ZCCHC24: variants seen among roughly 807,000 people sequenced by gnomAD.
The protein encoded by ZCCHC24 is zinc finger CCHC-type containing 24.
In ZCCHC24, 10 loss-of-function variants were observed where a neutral mutation model predicts 26.2. The ratio of observed to expected loss-of-function variants is 0.38; its 90% CI spans 0.24 to 0.65. ZCCHC24 has a LOEUF of 0.65. Ranked by LOEUF, ZCCHC24 falls within the 30% of genes least tolerant of loss-of-function variation. The probability of loss-of-function intolerance (pLI) is 0.54; values close to 1 mark genes in which losing one functional copy is unlikely to be tolerated. For synonymous variants in ZCCHC24, 144 were observed against 147.1 expected (o/e 0.98, Z 0.15); for missense variants, 243 against 329.1 (o/e 0.74, Z 2.03).
intron 2 of ZCCHC24, among the ~76,000 whole-genome samples, chr10:79,415,263 A>C (rs1470024390): frequency 6.6e-6 from 1 of 152,202 alleles, no homozygotes; most frequent in East Asian, 1.9e-4. Context: ...GAGGGGCCCC[A>C]GGCACAGGGA....
intron 2 of ZCCHC24, among the ~76,000 whole-genome samples, chr10:79,412,414 T>C (rs1365304139): frequency 6.6e-6 from 1 of 152,232 alleles, no homozygotes; most frequent in Admixed American, 6.5e-5. Flanking sequence ...CCCTCGCCCC[T>C]TGGCAGCCCC....
chr10:79,408,929 G>A (rs1404067500), intron 2 of ZCCHC24: 1 of 152,168 alleles, frequency 6.6e-6, no homozygotes, highest in Non-Finnish European at 1.5e-5. Flanking sequence ...GTAAAATCAG[G>A]AAAGGCAAAT....
At chr10:79,397,008 A>G (rs984984912) in intron 2 of ZCCHC24, among the ~76,000 whole-genome samples, 1 of 152,264 alleles carries the variant, frequency 6.6e-6, no homozygotes, top group Non-Finnish European at 1.5e-5. Flanking sequence ...GTAGAACAAA[A>G]AGTGGTATAT....
intron 2 of ZCCHC24, among the ~76,000 whole-genome samples, chr10:79,413,861 A>G (rs1856827021): frequency 6.6e-6 from 1 of 152,226 alleles, no homozygotes; most frequent in East Asian, 1.9e-4. Flanking sequence ...TCTGACACAG[A>G]GAATTCACAG....
chr10:79,409,212 A>G (rs1297839075), intron 2 of ZCCHC24: 1 of 152,200 alleles, frequency 6.6e-6, no homozygotes, highest in Non-Finnish European at 1.5e-5. Context: ...GCTTCTGCAC[A>G]CCTCTGGGCA....
chr10:79,417,021 G>C, intron 2 of ZCCHC24, among the ~76,000 whole-genome samples: 1 of 152,234 alleles, frequency 6.6e-6, no homozygotes, highest in East Asian at 1.9e-4. Context: ...CAACGCAATG[G>C]CTCACACTTG....
In ZCCHC24 at chr10:79,424,462, T is replaced by C. The variant is rs549812645; in HGVS notation, c.447+8096A>G. On this transcript the variant is annotated intron_variant, in intron 2 of 3. Coordinates refer to ENST00000372336, the MANE Select transcript of ZCCHC24 (RefSeq NM_153367.4). The stretch of plus-strand genomic sequence containing the variant: ...CTGCCTGCTCCCTCTTCCCTCTCAC[T>C]GGGCACCACGGCCCATAGATGGTAC... Among the ~76,000 whole-genome samples the C allele has an allele frequency of 6.3e-4, 96 of 152,360 alleles. 1 individual carries two copies. The highest frequency in any genetic ancestry group is 2.0e-3 in the African/African-American group (84 of 41,582).
chr10:79,398,137 C>G (rs1460150954), intron 2 of ZCCHC24, among the ~76,000 whole-genome samples: 1 of 152,336 alleles, frequency 6.6e-6, no homozygotes, highest in Admixed American at 6.5e-5. Flanking sequence ...GCGCACCATT[C>G]CCACGGCTGC....
At chr10:79,395,870 T>C (rs1856539988) in intron 2 of ZCCHC24, among the ~76,000 whole-genome samples, 1 of 152,240 alleles carries the variant, frequency 6.6e-6, no homozygotes, top group Admixed American at 6.5e-5. Context: ...AGTTTACCCA[T>C]TTAAAGTGGA....
At chr10:79,402,667 G>A (rs1282160270) in intron 2 of ZCCHC24, among the ~76,000 whole-genome samples, 1 of 152,136 alleles carries the variant, frequency 6.6e-6, no homozygotes, top group African/African-American at 2.4e-5. Flanking sequence ...TGTGCCACAC[G>A]CTTTCTGACC....
rs148980765 is a variant in ZCCHC24, at chr10:79,387,148, G to A, written c.613-690C>T. Among the ~76,000 whole-genome samples, 109 of 152,296 alleles carry A rather than the reference G, an allele frequency of 7.2e-4. 1 individual carries two copies. Among genetic ancestry groups the A allele is most frequent in the Non-Finnish European group, 3.5e-4 (24 of 68,032 alleles). ...GCCCAGTGCCCTATTTGTTGAGGCT[G>A]CATGAATGAAACCTCAGTTTTCCAA... On this transcript the variant is annotated intron_variant, in intron 3 of 3. Transcript: ENST00000372336.
chr10:79,409,585 T>A (rs985197739), intron 2 of ZCCHC24, among the ~76,000 whole-genome samples: 2 of 152,070 alleles, frequency 1.3e-5, no homozygotes, highest in African/African-American at 4.8e-5. Flanking sequence ...TGGACATGAC[T>A]ATCAGCCTGA....
chr10:79,436,090 A>C (rs922093421), intron 1 of ZCCHC24, among the ~76,000 whole-genome samples: 5 of 152,190 alleles, frequency 3.3e-5, no homozygotes, highest in African/African-American at 1.2e-4. Context: ...TGGCATGCAG[A>C]GGCCGACACA....
chr10:79,434,487 A>G (rs142874284), intron 1 of ZCCHC24, among the ~76,000 whole-genome samples: 1 of 152,298 alleles, frequency 6.6e-6, no homozygotes, highest in East Asian at 1.9e-4. Flanking sequence ...TCACAGGATA[A>G]CAGTGACACA....
At chr10:79,434,380 C>T (rs1423675211) in intron 1 of ZCCHC24, among the ~76,000 whole-genome samples, 1 of 152,192 alleles carries the variant, frequency 6.6e-6, no homozygotes, top group African/African-American at 2.4e-5. Context: ...TGGAGCAGTC[C>T]ACCTTGAGAA....
intron 1 of ZCCHC24, among the ~76,000 whole-genome samples, chr10:79,435,721 AC>A (rs1857207265): frequency 6.6e-6 from 1 of 152,244 alleles, no homozygotes; most frequent in Non-Finnish European, 1.5e-5. Flanking sequence ...AGGGACGCAG[AC>A]CAGGGTACCC....
intron 2 of ZCCHC24, among the ~76,000 whole-genome samples, chr10:79,419,997 A>G (rs1377078346): frequency 6.6e-6 from 1 of 152,104 alleles, no homozygotes; most frequent in Admixed American, 6.5e-5. Context: ...CCTGCCAGGC[A>G]AGAGGCAGCA....
At chr10:79,430,121 G>A (rs1009103697) in intron 2 of ZCCHC24, among the ~76,000 whole-genome samples, 37 of 152,184 alleles carry the variant, frequency 2.4e-4, no homozygotes, top group African/African-American at 7.7e-4. Flanking sequence ...AGCACTTCCT[G>A]TGTCCAGGCA....
At chr10:79,390,529 T>C (rs1168614970) in intron 3 of ZCCHC24, among the ~76,000 whole-genome samples, 1 of 152,210 alleles carries the variant, frequency 6.6e-6, no homozygotes, top group African/African-American at 2.4e-5. Flanking sequence ...ATCTGAGCTG[T>C]GCCCCCTCCT....
Sources: allele counts gnomAD v4.1 joint callset (sites outside exome capture counted in the v4.1 genomes callset), GRCh38; gene constraint gnomAD v4.1.1; transcripts MANE v1.5; gene names NCBI Gene and HGNC (gene_info 2026-07-23, HGNC 2026-07-21).